The following STK10 variants were observed in gnomAD, a reference collection of about 807,000 sequenced individuals.
STK10 encodes the protein serine/threonine kinase 10.
Under a neutral mutation model 113.8 loss-of-function variants are expected in STK10, and 78 were observed. The ratio of observed to expected loss-of-function variants is 0.69; its 90% CI spans 0.57 to 0.83. The LOEUF (loss-of-function observed/expected upper bound fraction) is 0.83, where lower values mean the gene tolerates loss of function less well. Ranked by LOEUF, STK10 falls within the 40% of genes least tolerant of loss-of-function variation. STK10 has a pLI of 0.00. For missense variants in STK10, 1,109 were observed against 1,280.1 expected (o/e 0.87, Z 2.04); for synonymous variants, 465 against 494.7 (o/e 0.94, Z 0.80).
chr5:172,152,441 G>A (rs369992994), intron 2 of STK10, among the ~76,000 whole-genome samples: 29 of 152,302 alleles, frequency 1.9e-4, no homozygotes, highest in African/African-American at 7.0e-4. Context: ...GTGGAGGATG[G>A]GGGTAGCTAT....
chr5:172,099,637 G>GTGAGAACCAAGATCCCAAAGA (rs1454982620), intron 7 of STK10, among the ~76,000 whole-genome samples: 13 of 126,248 alleles, frequency 1.0e-4, no homozygotes, highest in Non-Finnish European at 1.9e-4. Context: ...GGAACCAAAG[G>GTGAGAACCAAGATCCCAAAGA]TGAGAACCAA....
intron 2 of STK10, among the ~76,000 whole-genome samples, chr5:172,143,252 G>A (rs988077424): frequency 2.0e-5 from 3 of 152,184 alleles, no homozygotes; most frequent in African/African-American, 7.2e-5. Flanking sequence ...TATAATCCCA[G>A]CTACTCGGGA....
rs1020872280 is a variant in STK10, at chr5:172,133,949, G to A, written c.322-6528C>T. ...AACTTGAACGTTCAGCAGAGTGCTT[G>A]TTAAAACAGATCACTGGGTCCCACT... On this transcript the variant is annotated intron_variant, in intron 2 of 18. Coordinates refer to ENST00000176763, the MANE Select transcript of STK10 (RefSeq NM_005990.4). This position sits in a 1 kb window ranked among gnomAD's most constrained non-coding sequence, Gnocchi z 4.9. Among the ~76,000 whole-genome samples the A allele has an allele frequency of 2.0e-5, 3 of 152,296 alleles. 1 individual carries two copies.
At chr5:172,141,365 T>G (rs924154516) in intron 2 of STK10, among the ~76,000 whole-genome samples, 2 of 152,014 alleles carry the variant, frequency 1.3e-5, no homozygotes, top group Admixed American at 1.3e-4. Flanking sequence ...TTGCTTGAGC[T>G]CAGGAGTTCG....
At chr5:172,101,558 C>T (rs531442227) in intron 7 of STK10, among the ~76,000 whole-genome samples, 6 of 152,082 alleles carry the variant, frequency 3.9e-5, no homozygotes, top group East Asian at 3.9e-4. Flanking sequence ...GACCTATCAG[C>T]GAACAAAACA....
At chr5:172,148,306 G>A (rs868079886) in intron 2 of STK10, among the ~76,000 whole-genome samples, 4 of 152,176 alleles carry the variant, frequency 2.6e-5, no homozygotes, top group Admixed American at 1.3e-4. Flanking sequence ...GTGACAGGGT[G>A]GGGGGCAGAG....
At position 172,141,808 on chromosome 5, in the gene STK10, C is replaced by T. The variant is rs542676248; in HGVS notation, c.322-14387G>A. Among the ~76,000 whole-genome samples the T allele has an allele frequency of 5.0e-4, 76 of 152,258 alleles. 1 individual carries two copies. The highest frequency in any genetic ancestry group is 1.8e-3 in the African/African-American group (76 of 41,540). ...TGTCACAGCAGCCTGTAATCGCCGG[C>T]TTTCTTCTCTGGCTGAGGGCCAAAG... On this transcript the variant is annotated intron_variant, in intron 2 of 18. Coordinates refer to ENST00000176763, the MANE Select transcript of STK10 (RefSeq NM_005990.4).
chr5:172,179,495 C>T (rs1352370373), intron 1 of STK10, among the ~76,000 whole-genome samples: 1 of 152,182 alleles, frequency 6.6e-6, no homozygotes, highest in Non-Finnish European at 1.5e-5. Context: ...AGGTGGAGGG[C>T]GGGTCCATCT....
intron 2 of STK10, among the ~76,000 whole-genome samples, chr5:172,137,476 A>G (rs750032546): frequency 1.3e-5 from 2 of 152,176 alleles, no homozygotes; most frequent in Non-Finnish European, 2.9e-5. Context: ...TGATCATCTC[A>G]GTTAAAGCAG....
rs567615452 is a variant in STK10 at position 172,115,165 on chromosome 5, C to T, written c.520+2316G>A. 3 of 152,526 alleles carry T rather than the reference C, an allele frequency of 2.0e-5. No individual in the cohort carries two copies. The East Asian group carries it at 5.8e-4, about 29-fold the overall frequency. 9.4% of individuals were successfully genotyped at this position (152,526 alleles called of 1,614,324 possible). A position where few individuals can be genotyped will look rare whatever the true frequency, so the allele number is the denominator to read the frequency against. On this transcript the variant is annotated intron_variant, in intron 4 of 18. Transcript: ENST00000176763. Reference sequence around the variant, plus strand: ...CTACTTCCGTGTTGTCACGTGACCCCACCCTCCGTGCCAGAGACTGAAGAC... The same window carrying T: ...CTACTTCCGTGTTGTCACGTGACCCTACCCTCCGTGCCAGAGACTGAAGAC...
At chr5:172,149,495 C>CGT (rs3839238) in intron 2 of STK10, among the ~76,000 whole-genome samples, 3,517 of 149,318 alleles carry the variant, frequency 0.024, 55 homozygotes, top group African/African-American at 0.028. Context: ...ACAAAGTGCT[C>CGT]GTGTGTGTGT....
chr5:172,074,785 G>A (rs995092637), intron 12 of STK10, among the ~76,000 whole-genome samples: 1 of 152,122 alleles, frequency 6.6e-6, no homozygotes, highest in African/African-American at 2.4e-5. Flanking sequence ...TTCGGAAACC[G>A]AAGCAGGCGG....
chr5:172,050,633 T>C (rs1430288633), intron 18 of STK10, among the ~76,000 whole-genome samples: 1 of 151,984 alleles, frequency 6.6e-6, no homozygotes, highest in African/African-American at 2.4e-5. Context: ...TTACTGCCAA[T>C]GACAAAATTT....
At chr5:172,077,010 A>G (rs568805550) in intron 12 of STK10, among the ~76,000 whole-genome samples, 1 of 146,562 alleles carries the variant, frequency 6.8e-6, no homozygotes, top group East Asian at 1.9e-4. Context: ...GTAGAGTCAC[A>G]TGGGACCACT....
chr5:172,049,252 C>T (rs891925255), intron 18 of STK10, among the ~76,000 whole-genome samples: 3 of 152,116 alleles, frequency 2.0e-5, no homozygotes, highest in Non-Finnish European at 2.9e-5. Flanking sequence ...AATACACAAA[C>T]GAATGAACCA....
At chr5:172,056,673 G>A (rs1170472736) in intron 15 of STK10, among the ~76,000 whole-genome samples, 2 of 151,384 alleles carry the variant, frequency 1.3e-5, no homozygotes, top group Non-Finnish European at 2.9e-5. Context: ...TTTGAGACCA[G>A]CCTGGCCAAC....
intron 2 of STK10, among the ~76,000 whole-genome samples, chr5:172,148,080 G>C (rs138420418): frequency 1.5e-3 from 229 of 152,274 alleles, no homozygotes; most frequent in African/African-American, 5.0e-3. Context: ...AAAGCCACGA[G>C]CAGGTCTGGG....
At chr5:172,140,621 C>T (rs1330546366) in intron 2 of STK10, among the ~76,000 whole-genome samples, 3 of 152,094 alleles carry the variant, frequency 2.0e-5, no homozygotes, top group East Asian at 3.8e-4. Flanking sequence ...CGCTTGAATC[C>T]GGGAGGCGGA....
intron 15 of STK10, among the ~76,000 whole-genome samples, chr5:172,056,450 C>T (rs762366551): frequency 6.6e-6 from 1 of 151,972 alleles, no homozygotes; most frequent in Admixed American, 6.6e-5. Context: ...GGGAAGGCTT[C>T]CCAGCAGAGG....
Sources: gnomAD v4.1 joint callset for allele counts (sites outside exome capture counted in the v4.1 genomes callset) on GRCh38, gnomAD v4.1.1 for gene constraint, Gnocchi (gnomAD v3.1) non-coding constraint, MANE v1.5 for transcripts, NCBI Gene and HGNC (gene_info 2026-07-23, HGNC 2026-07-21) for gene names.